Variants in STXBP5 observed in about 807,000 individuals in gnomAD.
STXBP5 encodes syntaxin binding protein 5, also known as syntaxin-binding protein 5.
STXBP5 carries 50 observed loss-of-function variants against 152.4 expected under a neutral mutation model. The ratio of observed to expected loss-of-function variants is 0.33; its 90% CI spans 0.26 to 0.42. The LOEUF is 0.42. STXBP5 is among the 10% of genes least tolerant of loss of function. STXBP5 has a pLI of 1.00. For synonymous variants in STXBP5, 492 were observed against 494.7 expected (o/e 0.99, Z 0.07); for missense variants, 1,167 against 1,388.6 (o/e 0.84, Z 2.54).
At chr6:147,267,449 A>T (rs1225398791) in intron 7 of STXBP5, among the ~76,000 whole-genome samples, 3 of 152,246 alleles carry the variant, frequency 2.0e-5, no homozygotes, top group Admixed American at 6.5e-5. Flanking sequence ...ATTCATAAAT[A>T]TATCTTATTT....
At chr6:147,252,184 A>G (rs562715928) in intron 4 of STXBP5, among the ~76,000 whole-genome samples, 1 of 152,258 alleles carries the variant, frequency 6.6e-6, no homozygotes, top group African/African-American at 2.4e-5. Context: ...CCAAAGGATC[A>G]CAACTCCTTG....
chr6:147,300,496 A>G (rs1781751944), intron 9 of STXBP5, among the ~76,000 whole-genome samples: 1 of 152,144 alleles, frequency 6.6e-6, no homozygotes, highest in African/African-American at 2.4e-5. Flanking sequence ...GAGAGCCCAG[A>G]AATAAATCTG....
At chr6:147,313,352 T>A (rs898529547) in intron 11 of STXBP5, among the ~76,000 whole-genome samples, 2 of 152,216 alleles carry the variant, frequency 1.3e-5, no homozygotes, top group Non-Finnish European at 2.9e-5. Flanking sequence ...TTTTTTGCTT[T>A]ATTTAATAAA....
Position 147,278,079 on chromosome 6 carries a change from A to G in STXBP5, c.715-2A>G, listed in dbSNP as rs1345850521. 1 of 1,610,800 alleles carries G rather than the reference A, an allele frequency of 6.2e-7. No individual in the cohort carries two copies. The highest frequency in any genetic ancestry group is 8.5e-7 in the Non-Finnish European group (1 of 1,177,790). ...TAAATGGTATTTTTCATCCTTCTAT[A>G]GGCTATCCACTCTGTTGCTTGGCAT... On this transcript the variant is annotated splice_acceptor_variant, in intron 7 of 27. Transcript: ENST00000321680. LOFTEE classifies it high-confidence loss of function.
chr6:147,258,054 G>C (rs1235762768), intron 4 of STXBP5, among the ~76,000 whole-genome samples: 1 of 152,134 alleles, frequency 6.6e-6, no homozygotes, highest in Non-Finnish European at 1.5e-5. Flanking sequence ...ATGGCACTTG[G>C]GTTCTGAAAG....
intron 21 of STXBP5, among the ~76,000 whole-genome samples, chr6:147,347,176 C>T (rs984368894): frequency 3.3e-5 from 5 of 152,116 alleles, no homozygotes; most frequent in Non-Finnish European, 5.9e-5. Context: ...GATCTCAAGT[C>T]TTTGTCTTAA....
chr6:147,213,434 A>ATATGTGTGTGTGTGTGTGTG (rs1216361619), intron 2 of STXBP5, among the ~76,000 whole-genome samples: 5 of 85,534 alleles, frequency 5.8e-5, no homozygotes, highest in African/African-American at 1.3e-4. Flanking sequence ...AATTTTATAT[A>ATATGTGTGTGTGTGTGTGTG]TGTGTGTGTG....
At chr6:147,330,551 C>G (rs1479684271) in intron 18 of STXBP5, among the ~76,000 whole-genome samples, 1 of 152,076 alleles carries the variant, frequency 6.6e-6, no homozygotes, top group Non-Finnish European at 1.5e-5. Context: ...ATTTGAGGCA[C>G]TAATTAGTCA....
chr6:147,317,217 C>T (rs1247628899), intron 16 of STXBP5, among the ~76,000 whole-genome samples: 4 of 152,186 alleles, frequency 2.6e-5, no homozygotes, highest in Non-Finnish European at 5.9e-5. Flanking sequence ...AGGCTTTGCA[C>T]TATTTTACTT....
intron 26 of STXBP5, among the ~76,000 whole-genome samples, chr6:147,378,211 T>C (rs1293918910): frequency 3.3e-5 from 5 of 151,998 alleles, no homozygotes; most frequent in African/African-American, 1.2e-4. Flanking sequence ...ATAGGTACAC[T>C]CATCAACTCA....
At chr6:147,357,070 C>G (rs1784847530) in intron 22 of STXBP5, among the ~76,000 whole-genome samples, 1 of 152,116 alleles carries the variant, frequency 6.6e-6, no homozygotes, top group African/African-American at 2.4e-5. Flanking sequence ...TCCTTGCTTT[C>G]AAGATACTTG....
At chr6:147,285,823 T>C (rs1780934193) in intron 8 of STXBP5, among the ~76,000 whole-genome samples, 1 of 152,212 alleles carries the variant, frequency 6.6e-6, no homozygotes. Context: ...TCTGAAAGAT[T>C]GATGTTGAAT....
At chr6:147,255,625 CTCCT>C in intron 4 of STXBP5, among the ~76,000 whole-genome samples, 1 of 152,246 alleles carries the variant, frequency 6.6e-6, no homozygotes, top group East Asian at 1.9e-4. Flanking sequence ...TCAAGCAATC[CTCCT>C]GCCTCAGCCT....
At chr6:147,375,773 C>T (rs900335156) in intron 26 of STXBP5, among the ~76,000 whole-genome samples, 1 of 151,616 alleles carries the variant, frequency 6.6e-6, no homozygotes, top group African/African-American at 2.4e-5. Context: ...ACACCAGAGA[C>T]AAAGAGAAAA....
At chr6:147,278,957 A>G (rs1222625752) in intron 8 of STXBP5, among the ~76,000 whole-genome samples, 1 of 152,188 alleles carries the variant, frequency 6.6e-6, no homozygotes, top group African/African-American at 2.4e-5. Context: ...CCTCTGCTTT[A>G]GCAGGTACCA....
chr6:147,246,294 T>C (rs1778806482), intron 4 of STXBP5, among the ~76,000 whole-genome samples: 1 of 152,228 alleles, frequency 6.6e-6, no homozygotes. Flanking sequence ...TAGTATAGTA[T>C]GACCAGTATT....
In STXBP5 at chr6:147,317,118, A is replaced by G. The variant is rs1482621640; in HGVS notation, c.1802+711A>G. On this transcript the variant is annotated intron_variant, in intron 16 of 27. Coordinates refer to ENST00000321680, the MANE Select transcript of STXBP5 (RefSeq NM_001127715.4). ...GGTAGCACTCAGAGAGATTCAGTAGATTGGTAGAGGGCAAAAGCCAGAGTG... is the reference window on the plus strand; with the variant it reads ...GGTAGCACTCAGAGAGATTCAGTAGGTTGGTAGAGGGCAAAAGCCAGAGTG... Among the ~76,000 whole-genome samples, 5 of 152,222 alleles carry G rather than the reference A, an allele frequency of 3.3e-5. No homozygotes were observed. In the East Asian group the frequency reaches 9.6e-4, roughly 29 times the overall value.
At chr6:147,329,617 CTTTTT>C (rs34913817) in intron 18 of STXBP5, among the ~76,000 whole-genome samples, 2 of 71,708 alleles carry the variant, frequency 2.8e-5, no homozygotes, top group East Asian at 5.1e-4. Flanking sequence ...GTTCTTCAGG[CTTTTT>C]TTTTTTTTTT....
chr6:147,351,604 A>G (rs966531083), intron 21 of STXBP5, among the ~76,000 whole-genome samples: 1 of 152,106 alleles, frequency 6.6e-6, no homozygotes, highest in Non-Finnish European at 1.5e-5. Flanking sequence ...CTAACTGCAG[A>G]TGTTATTTGG....
Sources: gnomAD v4.1 joint callset for allele counts (sites outside exome capture counted in the v4.1 genomes callset) on GRCh38, gnomAD v4.1.1 for gene constraint, MANE v1.5 for transcripts, NCBI Gene and HGNC (gene_info 2026-07-23, HGNC 2026-07-21) for gene names.